The following ELAVL1 variants were observed in gnomAD, a reference collection of about 807,000 sequenced individuals.
ELAVL1 encodes ELAV-like protein 1.
ELAVL1 carries 1 observed loss-of-function variant against 28.4 expected under a neutral mutation model. The ratio of observed to expected loss-of-function variants is 0.04; its 90% CI spans 0.01 to 0.17. ELAVL1 has a LOEUF of 0.17. ELAVL1 is among the 10% of genes least tolerant of loss of function. The probability of loss-of-function intolerance (pLI) is 1.00; values close to 1 mark genes in which losing one functional copy is unlikely to be tolerated. For missense variants in ELAVL1, 157 were observed against 447.2 expected, an observed-to-expected ratio of 0.35 and a Z score of 5.85; for synonymous variants, 174 against 183.5, an observed-to-expected ratio of 0.95 and a Z score of 0.42.
chr19:7,961,642 C>G lies in ELAVL1; in HGVS notation c.*1841G>C, dbSNP rs910094183. ...GGGAGAAAGGAGGTCCTCTCTGGCA[C>G]CAGGCCGACTTTTATGAGACACAGC... On this transcript the variant is annotated 3_prime_UTR_variant, in exon 6 of 6. Coordinates refer to ENST00000407627, the MANE Select transcript of ELAVL1 (RefSeq NM_001419.3). 3 of 152,170 alleles carry G rather than the reference C, an allele frequency of 2.0e-5. No individual in the cohort carries two copies. Among genetic ancestry groups the G allele is most frequent in the African/African-American group, 7.2e-5 (3 of 41,414 alleles). The allele number at this position is 152,170 out of a possible 1,614,324, so 9.4% of individuals were successfully genotyped here. A position where few individuals can be genotyped will look rare whatever the true frequency, so the allele number is the denominator to read the frequency against.
At position 7,980,425 on chromosome 19, in the gene ELAVL1, G is replaced by T. The variant is rs755237078; in HGVS notation, c.276+658C>A. On this transcript the variant is annotated intron_variant, in intron 3 of 5. Transcript: ENST00000407627. ...GGGGACGGGGGTAAGTGGGGCTCGGGGTTGACAGCCCCAGTGCACGAGAGC... is the reference window on the plus strand; with the variant it reads ...GGGGACGGGGGTAAGTGGGGCTCGGTGTTGACAGCCCCAGTGCACGAGAGC... Among the ~76,000 whole-genome samples, 90 of 152,316 alleles carry T rather than the reference G, an allele frequency of 5.9e-4. No homozygotes were observed. The Middle Eastern group carries it at 0.02, about 35-fold the overall frequency.
intron 3 of ELAVL1, among the ~76,000 whole-genome samples, chr19:7,978,393 G>A (rs1985362114): frequency 1.3e-5 from 2 of 152,202 alleles, no homozygotes; most frequent in South Asian, 4.1e-4. Context: ...GGAGGGGAAA[G>A]GGGTGCTGGG....
At chr19:7,974,017 A>C (rs1599668081) in intron 3 of ELAVL1, 139 bp from the exon 4 acceptor site, 1 of 1,152,838 alleles carries the variant, frequency 8.7e-7, no homozygotes, top group South Asian at 1.6e-5. Context: ...ACTGACGCTC[A>C]CCGCCTGCAG....
Position 7,992,612 on chromosome 19 carries a change from C to T in ELAVL1, c.-16-781G>A, listed in dbSNP as rs528175687. The stretch of plus-strand genomic sequence containing the variant: ...GTGGGGGGGACAACAAATAGTGGAA[C>T]ACGGGATTGTCAGGGTTTTAGGGCA... On this transcript the variant is annotated intron_variant, in intron 1 of 5. Transcript: ENST00000407627. 1.1e-3 allele frequency among the ~76,000 whole-genome samples: 163 copies of T among 152,182 alleles called. 1 individual carries two copies. Among genetic ancestry groups the T allele is most frequent in the African/African-American group, 3.8e-3 (159 of 41,506 alleles).
At chr19:8,000,334 G>A (rs564352304) in intron 1 of ELAVL1, among the ~76,000 whole-genome samples, 2 of 152,308 alleles carry the variant, frequency 1.3e-5, no homozygotes, top group South Asian at 2.1e-4. Context: ...CACATCCGTC[G>A]ATCATCTAGC....
chr19:7,986,327 C>T (rs564018767), intron 2 of ELAVL1, among the ~76,000 whole-genome samples: 166 of 152,198 alleles, frequency 1.1e-3, no homozygotes, highest in Non-Finnish European at 2.0e-3. Context: ...ATTAATTCAG[C>T]AATAAATAAG....
intron 3 of ELAVL1, among the ~76,000 whole-genome samples, chr19:7,977,819 C>G (rs778746903): frequency 2.6e-4 from 40 of 152,262 alleles, no homozygotes; most frequent in Non-Finnish European, 4.4e-4. Context: ...GAGGCCCTGC[C>G]TGCAAGGGAG....
chr19:7,988,766 C>G (rs1985673274), intron 2 of ELAVL1, among the ~76,000 whole-genome samples: 1 of 152,250 alleles, frequency 6.6e-6, no homozygotes, highest in Non-Finnish European at 1.5e-5. Context: ...GCGTCCAGCC[C>G]TGACATCAGG....
chr19:7,974,696 T>G (rs1285224672), intron 3 of ELAVL1, among the ~76,000 whole-genome samples: 1 of 152,014 alleles, frequency 6.6e-6, no homozygotes, highest in Non-Finnish European at 1.5e-5. Context: ...GAGCAGGAGA[T>G]GTGTTCCCGA....
In ELAVL1 at chr19:7,967,583, T is replaced by C; in HGVS notation, c.638A>G (p.His213Arg). 6.2e-7 allele frequency: 1 copy of C among 1,613,900 alleles called. No homozygotes were observed. Among genetic ancestry groups the C allele is most frequent in the Non-Finnish European group, 8.5e-7 (1 of 1,179,916 alleles). ...PARRFGGPVH[H>R]QAQRFRFSPM... is the part of the protein sequence containing the mutation. ...GACCCACCTGAATCTCTGCGCCTGG[T>C]GGTGAACGGGGCCTCCGAACCGTCG... The change falls in exon 5 of 6, where the codon CAC becomes CGC. Residue 213 changes from histidine (H) to arginine (R), a missense_variant. Coordinates refer to ENST00000407627, the MANE Select transcript of ELAVL1 (RefSeq NM_001419.3).
In ELAVL1 at chr19:7,996,808, A is replaced by T. The variant is rs571590120; in HGVS notation, c.-16-4977T>A. Among the ~76,000 whole-genome samples the T allele has an allele frequency of 2.0e-5, 3 of 152,274 alleles. No homozygotes were observed. In the East Asian group the frequency reaches 5.8e-4, roughly 29 times the overall value. Reference sequence around the variant, plus strand: ...AAACTGGGCGATAGGGCCAGACTCCATCTCCAAAAACCAAAAACAACATAA... The same window carrying T: ...AAACTGGGCGATAGGGCCAGACTCCTTCTCCAAAAACCAAAAACAACATAA... On this transcript the variant is annotated intron_variant, in intron 1 of 5. Transcript: ENST00000407627.
intron 2 of ELAVL1, among the ~76,000 whole-genome samples, chr19:7,983,132 G>A (rs954741234): frequency 3.9e-5 from 6 of 152,144 alleles, no homozygotes; most frequent in African/African-American, 1.2e-4. Context: ...TGCATGGGGC[G>A]CTCTCTTTCC....
chr19:7,998,631 C>T (rs1259018228), intron 1 of ELAVL1, among the ~76,000 whole-genome samples: 1 of 152,142 alleles, frequency 6.6e-6, no homozygotes, highest in African/African-American at 2.4e-5. Flanking sequence ...CTTCACTTCC[C>T]AGCTCATTTT....
Position 7,981,007 on chromosome 19 carries a change from T to C in ELAVL1, c.276+76A>G. On this transcript the variant is annotated intron_variant, in intron 3 of 5. Transcript: ENST00000407627. The surrounding 1 kb of genome is among the most constrained non-coding windows in gnomAD (Gnocchi z 4.2). ...TGCTCATAGTCCCTTGGAGAGTGAC[T>C]GTGAGGCTGGGCGGGGCTCAGCACA... 1 of 1,450,528 alleles carries C rather than the reference T, an allele frequency of 6.9e-7. No individual in the cohort carries two copies. The highest frequency in any genetic ancestry group is 9.7e-7 in the Non-Finnish European group (1 of 1,033,760). The allele number at this position is 1,450,528 out of a possible 1,614,324, so 89.9% of individuals were successfully genotyped here.
intron 2 of ELAVL1, among the ~76,000 whole-genome samples, chr19:7,985,358 C>T (rs1278782897): frequency 6.6e-6 from 1 of 152,178 alleles, no homozygotes; most frequent in Non-Finnish European, 1.5e-5. Context: ...CAGGCAGGGT[C>T]CACAAGCCAC....
At chr19:8,004,236 C>A (rs1434493671) in intron 1 of ELAVL1, among the ~76,000 whole-genome samples, 2 of 152,252 alleles carry the variant, frequency 1.3e-5, no homozygotes, top group African/African-American at 2.4e-5. Flanking sequence ...CACAACGCAA[C>A]GGGATTTCCA....
At chr19:8,000,844 C>G (rs1411446694) in intron 1 of ELAVL1, among the ~76,000 whole-genome samples, 1 of 152,232 alleles carries the variant, frequency 6.6e-6, no homozygotes, top group Non-Finnish European at 1.5e-5. Flanking sequence ...AGGAGCAGGT[C>G]AGGTGTGGCT....
At position 7,981,355 on chromosome 19, in the gene ELAVL1, C is replaced by CT. The variant is rs145288081; in HGVS notation, c.173-170dup. On this transcript the variant is annotated intron_variant, in intron 2 of 5. Coordinates refer to ENST00000407627, the MANE Select transcript of ELAVL1 (RefSeq NM_001419.3). The surrounding 1 kb of genome is among the most constrained non-coding windows in gnomAD (Gnocchi z 4.2). ...CATTTTCTGCAATGAACACAGGTTC[C>CT]TTTTTTTTTTTTTTTTTAAAGAGAT... Among the ~76,000 whole-genome samples the CT allele has an allele frequency of 0.015, 2,070 of 140,706 alleles. 28 individuals are homozygous for CT. The highest frequency in any genetic ancestry group is 0.053 in the East Asian group (254 of 4,830). The allele number at this position is 140,706 out of a possible 152,430, so 92.3% of individuals were successfully genotyped here.
intron 3 of ELAVL1, among the ~76,000 whole-genome samples, chr19:7,976,807 C>G (rs1465632241): frequency 6.6e-6 from 1 of 151,124 alleles, no homozygotes; most frequent in South Asian, 2.1e-4. Context: ...CTATTTAGTT[C>G]TTGACTGCGT....
Sources: allele counts gnomAD v4.1 joint callset (sites outside exome capture counted in the v4.1 genomes callset), GRCh38; gene constraint gnomAD v4.1.1; non-coding constraint Gnocchi (gnomAD v3.1); transcripts MANE v1.5; gene names NCBI Gene and HGNC (gene_info 2026-07-23, HGNC 2026-07-21).